PACRG: variants seen among roughly 807,000 people sequenced by gnomAD.
PACRG encodes parkin coregulated gene protein.
A neutral mutation model predicts 29.7 loss-of-function variants in PACRG; 29 were observed. The observed-to-expected ratio is 0.98, with a 90% CI of 0.73 to 1.33. The LOEUF (loss-of-function observed/expected upper bound fraction) is 1.33, where lower values mean the gene tolerates loss of function less well. PACRG is among the 40% of genes most tolerant of loss of function. The pLI, the probability that PACRG is intolerant of heterozygous loss-of-function variation, is 0.00. For synonymous variants in PACRG, 116 were observed against 118.7 expected, an observed-to-expected ratio of 0.98 and a Z score of 0.15; for missense variants, 279 against 316.2, an observed-to-expected ratio of 0.88 and a Z score of 0.89.
intron 2 of PACRG, among the ~76,000 whole-genome samples, chr6:162,987,605 CCTT>C (rs1351468676): frequency 6.6e-6 from 1 of 152,162 alleles, no homozygotes; most frequent in Non-Finnish European, 1.5e-5. Context: ...CTTTGCTCCT[CCTT>C]CACCTTCCGC....
At chr6:163,070,566 C>T (rs971565099) in intron 3 of PACRG, among the ~76,000 whole-genome samples, 1 of 151,520 alleles carries the variant, frequency 6.6e-6, no homozygotes, top group Non-Finnish European at 1.5e-5. Flanking sequence ...AAATAAAAAG[C>T]AAGAAATCAA....
In PACRG at chr6:163,200,223, A is replaced by G. The variant is rs574912687; in HGVS notation, c.613+110815A>G. Among the ~76,000 whole-genome samples the G allele has an allele frequency of 3.9e-5, 6 of 152,294 alleles. No homozygotes were observed. The South Asian group carries it at 8.3e-4, about 21-fold the overall frequency. ...TTTTTTATTAAAAATACAGAAAAAAAGGCAACTTTTTTTTCTAATATAGAA... is the reference window on the plus strand; with the variant it reads ...TTTTTTATTAAAAATACAGAAAAAAGGGCAACTTTTTTTTCTAATATAGAA... On this transcript the variant is annotated intron_variant, in intron 4 of 4. Transcript: ENST00000366888.
chr6:162,882,459 A>C (rs1369846362), intron 2 of PACRG, among the ~76,000 whole-genome samples: 1 of 152,144 alleles, frequency 6.6e-6, no homozygotes, highest in East Asian at 1.9e-4. Flanking sequence ...CCAAGACTAT[A>C]GATGGATGGA....
chr6:163,094,387 T>G (rs1399192845), intron 4 of PACRG, among the ~76,000 whole-genome samples: 1 of 152,210 alleles, frequency 6.6e-6, no homozygotes, highest in African/African-American at 2.4e-5. Context: ...AGGAAATTAT[T>G]AGAACTACTG....
chr6:162,731,885 T>A (rs1449945164), intron 1 of PACRG, among the ~76,000 whole-genome samples: 1 of 152,014 alleles, frequency 6.6e-6, no homozygotes, highest in Admixed American at 6.6e-5. Context: ...ATAATAGAAG[T>A]TCAATTTTGT....
chr6:163,118,430 G>A (rs1816116078), intron 4 of PACRG, among the ~76,000 whole-genome samples: 1 of 152,166 alleles, frequency 6.6e-6, no homozygotes, highest in Non-Finnish European at 1.5e-5. Context: ...ATTCTTTAAG[G>A]TGTGATAGAA....
At chr6:162,766,416 C>T (rs1017795239) in intron 1 of PACRG, among the ~76,000 whole-genome samples, 2 of 151,326 alleles carry the variant, frequency 1.3e-5, no homozygotes, top group African/African-American at 4.9e-5. Context: ...AATGGAATAG[C>T]ATTCCATTGT....
chr6:162,897,057 G>C (rs749255871), intron 2 of PACRG, among the ~76,000 whole-genome samples: 74 of 152,110 alleles, frequency 4.9e-4, no homozygotes, highest in Admixed American at 3.9e-4. Context: ...CCTACAACAA[G>C]GAACTAACGA....
At chr6:162,806,050 A>T (rs776003697) in intron 1 of PACRG, among the ~76,000 whole-genome samples, 4 of 152,116 alleles carry the variant, frequency 2.6e-5, no homozygotes, top group Non-Finnish European at 5.9e-5. Flanking sequence ...CATTGCCCAG[A>T]TACATCAGAG....
intron 4 of PACRG, among the ~76,000 whole-genome samples, chr6:163,270,006 A>AGGAGGGAG (rs140292182): frequency 2.4e-5 from 2 of 84,182 alleles, no homozygotes; most frequent in African/African-American, 9.9e-5. Context: ...AAAGAAAGAA[A>AGGAGGGAG]GGAGGGAGGG....
At chr6:163,200,886 C>G (rs1780668312) in intron 4 of PACRG, among the ~76,000 whole-genome samples, 1 of 152,312 alleles carries the variant, frequency 6.6e-6, no homozygotes. Context: ...GGGAAGCGCC[C>G]TGCACCACCG....
At position 162,887,897 on chromosome 6, in the gene PACRG, G is replaced by C. The variant is rs114889275; in HGVS notation, c.291+73616G>C. The stretch of plus-strand genomic sequence containing the variant: ...TTGGTGACTGTCTTTGTCTGCTTGT[G>C]CTGCTATAACAAAATACTGGGTAAT... On this transcript the variant is annotated intron_variant, in intron 2 of 4. Coordinates refer to ENST00000366888, the MANE Select transcript of PACRG (RefSeq NM_001080379.2). Among the ~76,000 whole-genome samples, 566 of 152,188 alleles carry C rather than the reference G, an allele frequency of 3.7e-3. 3 individuals carry two copies. The highest frequency in any genetic ancestry group is 0.013 in the African/African-American group (543 of 41,542).
intron 2 of PACRG, among the ~76,000 whole-genome samples, chr6:162,872,149 CCA>C (rs1263215109): frequency 6.6e-6 from 1 of 152,100 alleles, no homozygotes; most frequent in Non-Finnish European, 1.5e-5. Flanking sequence ...CTTGCCAAAA[CCA>C]CAGTCATGAG....
chr6:162,878,678 T>C (rs754758640), intron 2 of PACRG, among the ~76,000 whole-genome samples: 19 of 152,152 alleles, frequency 1.2e-4, no homozygotes, highest in Non-Finnish European at 2.6e-4. Context: ...TAGGGAAATT[T>C]GAGATTGTTC....
At chr6:162,817,284 T>A (rs1787439853) in intron 2 of PACRG, among the ~76,000 whole-genome samples, 1 of 152,204 alleles carries the variant, frequency 6.6e-6, no homozygotes, top group Non-Finnish European at 1.5e-5. Context: ...TTAGGAACCA[T>A]TGTGTGTTCT....
intron 4 of PACRG, among the ~76,000 whole-genome samples, chr6:163,276,418 A>C (rs7750169): frequency 6.6e-4 from 101 of 151,982 alleles, no homozygotes; most frequent in Non-Finnish European, 1.4e-3. Flanking sequence ...CTAGGTTCGA[A>C]GTGACCATTT....
At chr6:162,939,455 T>C (rs1180374129) in intron 2 of PACRG, among the ~76,000 whole-genome samples, 1 of 152,182 alleles carries the variant, frequency 6.6e-6, no homozygotes, top group East Asian at 1.9e-4. Context: ...CAGTATCTCA[T>C]TTGGGCCCAG....
intron 4 of PACRG, among the ~76,000 whole-genome samples, chr6:163,153,831 C>T (rs559751194): frequency 2.0e-5 from 3 of 152,270 alleles, no homozygotes; most frequent in East Asian, 1.9e-4. Context: ...TCAATACTAT[C>T]GCTATTGAGT....
chr6:162,892,860 G>A (rs1794866609), intron 2 of PACRG, among the ~76,000 whole-genome samples: 2 of 149,360 alleles, frequency 1.3e-5, no homozygotes, highest in Non-Finnish European at 2.9e-5. Context: ...TCCAGTGGAG[G>A]GAGAAGAACC....
Sources: gnomAD v4.1 joint callset for allele counts (sites outside exome capture counted in the v4.1 genomes callset) on GRCh38, gnomAD v4.1.1 for gene constraint, MANE v1.5 for transcripts, NCBI Gene and HGNC (gene_info 2026-07-23, HGNC 2026-07-21) for gene names.